ATP6V1B1: variants seen among roughly 807,000 people sequenced by gnomAD.
ATP6V1B1 encodes ATPase H+ transporting V1 subunit B1.
ATP6V1B1 carries 41 observed loss-of-function variants against 62.1 expected under a neutral mutation model. The observed-to-expected ratio is 0.66, with a 90% confidence interval of 0.51 to 0.86. The LOEUF is 0.86. Among genes scored for constraint, ATP6V1B1 ranks in the 40% least tolerant of loss-of-function variants. The probability of loss-of-function intolerance (pLI) is 0.00; values close to 1 mark genes in which losing one functional copy is unlikely to be tolerated. For missense variants in ATP6V1B1, 651 were observed against 697.5 expected (o/e 0.93, Z 0.75); for synonymous variants, 253 against 273.4 (o/e 0.93, Z 0.74).
rs536395287 is a variant in ATP6V1B1, at chr2:70,945,705, T to G, written c.174+1992T>G. On this transcript the variant is annotated intron_variant, in intron 2 of 13. Coordinates refer to ENST00000234396, the MANE Select transcript of ATP6V1B1 (RefSeq NM_001692.4). ...CTCTTTCTGGCTATTTGAAGAGATA[T>G]ATATATATATATATATATATATATA... Among the ~76,000 whole-genome samples, 692 of 72,460 alleles carry G rather than the reference T, an allele frequency of 9.6e-3. 24 individuals carry two copies. Among genetic ancestry groups the G allele is most frequent in the African/African-American group, 0.045 (594 of 13,190 alleles). 47.5% of individuals were successfully genotyped at this position (72,460 alleles called of 152,430 possible).
In ATP6V1B1 at chr2:70,958,042, C is replaced by A. The variant is rs782511029; in HGVS notation, c.175-4C>A. On this transcript the variant is annotated splice_polypyrimidine_tract_variant and splice_region_variant and intron_variant, in intron 2 of 13. Coordinates refer to ENST00000234396, the MANE Select transcript of ATP6V1B1 (RefSeq NM_001692.4). Reference sequence around the variant, plus strand: ...GTCACGTGGCTGCTCTCCCCTCCTGCCAGTTTGCCCAGTATGCGGAGATCG... The same window carrying A: ...GTCACGTGGCTGCTCTCCCCTCCTGACAGTTTGCCCAGTATGCGGAGATCG... The A allele has an allele frequency of 2.5e-6, 4 of 1,613,494 alleles. No individual in the cohort carries two copies. Among genetic ancestry groups the A allele is most frequent in the Non-Finnish European group, 3.4e-6 (4 of 1,179,752 alleles).
At chr2:70,955,665 T>C (rs1680416935) in intron 2 of ATP6V1B1, among the ~76,000 whole-genome samples, 3 of 152,248 alleles carry the variant, frequency 2.0e-5, no homozygotes, top group African/African-American at 7.2e-5. Flanking sequence ...GTGCTTCTTT[T>C]TTTTAATGAA....
intron 6 of ATP6V1B1, 67 bp downstream of exon 6, chr2:70,960,145 C>A: frequency 6.3e-7 from 1 of 1,599,894 alleles, no homozygotes; most frequent in Non-Finnish European, 8.5e-7. Flanking sequence ...GCTGCTGGAC[C>A]AGTGAGGACA....
chr2:70,937,511 C>A (rs1165084307), intron 1 of ATP6V1B1, among the ~76,000 whole-genome samples: 1 of 151,976 alleles, frequency 6.6e-6, no homozygotes, highest in African/African-American at 2.4e-5. Context: ...TCCGGATACT[C>A]CCTAGGCCAA....
intron 1 of ATP6V1B1, among the ~76,000 whole-genome samples, chr2:70,937,025 C>T (rs1327782517): frequency 2.6e-5 from 4 of 152,082 alleles, no homozygotes; most frequent in Admixed American, 6.5e-5. Context: ...ATTCTCAGGC[C>T]GCCCTGCTCA....
In ATP6V1B1 at chr2:70,961,652, G is replaced by C. The variant is rs1553420128; in HGVS notation, c.744G>C (p.Met248Ile). 6.2e-7 allele frequency: 1 copy of C among 1,614,220 alleles called. No individual in the cohort carries two copies. The highest frequency in any genetic ancestry group is 1.7e-5 in the Admixed American group (1 of 60,036). ...CTGACTTTGAGCAGAATGGAACCAT[G>C]GGGAACGTCTGCCTCTTCCTGAACT... ...FKSDFEQNGT[M>I]GNVCLFLNLA... Residue 248 changes from methionine (M) to isoleucine (I), a missense_variant, in exon 8 of 14, where the codon ATG (methionine) becomes ATC (isoleucine). Met to Ile is a conservative substitution (Grantham distance 10). Transcript: ENST00000234396.
At chr2:70,944,223 A>T in intron 2 of ATP6V1B1, 1 of 1,289,106 alleles carries the variant, frequency 7.8e-7, no homozygotes, top group African/African-American at 1.5e-5. Context: ...TCTCAGCAAC[A>T]TGGGTGGTAA....
Position 70,958,031 on chromosome 2 carries a change from C to T in ATP6V1B1, c.175-15C>T. On this transcript the variant is annotated splice_polypyrimidine_tract_variant and intron_variant, in intron 2 of 13. Transcript: ENST00000234396. ...CCAGTCTCACTGTCACGTGGCTGCT[C>T]TCCCCTCCTGCCAGTTTGCCCAGTA... 1.2e-6 allele frequency: 2 copies of T among 1,611,684 alleles called. No homozygotes were observed. The highest frequency in any genetic ancestry group is 1.7e-6 in the Non-Finnish European group (2 of 1,178,748).
rs113451438 is a variant in ATP6V1B1 at position 70,960,882 on chromosome 2, C to T, written c.586-39C>T. ...TGCTCAGTGGGACAGGGGTCAGCTCCGACTCTGACGTCCTCCTGCCCAATC... is the reference window on the plus strand; with the variant it reads ...TGCTCAGTGGGACAGGGGTCAGCTCTGACTCTGACGTCCTCCTGCCCAATC... On this transcript the variant is annotated intron_variant, in intron 6 of 13. Coordinates refer to ENST00000234396, the MANE Select transcript of ATP6V1B1 (RefSeq NM_001692.4). 4.6e-5 allele frequency: 72 copies of T among 1,562,234 alleles called. 1 individual carries two copies. Among genetic ancestry groups the T allele is most frequent in the African/African-American group, 1.5e-4 (11 of 73,696 alleles).
rs2104829716 is a variant in ATP6V1B1 at position 70,961,649 on chromosome 2, C to T, written c.741C>T (p.Thr247=). ...FFKSDFEQNG[T]MGNVCLFLNL... is the part of the protein sequence containing the mutation. ...AGTCTGACTTTGAGCAGAATGGAAC[C>T]ATGGGGAACGTCTGCCTCTTCCTGA... Residue 247 remains threonine, a synonymous_variant, in exon 8 of 14, where the codon ACC becomes ACT. Transcript: ENST00000234396. 3.1e-6 allele frequency: 5 copies of T among 1,614,226 alleles called. No homozygotes were observed. Among genetic ancestry groups the T allele is most frequent in the Non-Finnish European group, 4.2e-6 (5 of 1,180,028 alleles).
At chr2:70,961,793 C>T (rs188538649) in intron 8 of ATP6V1B1, 100 bp downstream of exon 8, 11 of 1,163,488 alleles carry the variant, frequency 9.5e-6, no homozygotes, top group Non-Finnish European at 1.4e-5. Flanking sequence ...AGAACTACAG[C>T]CATACGCCAG....
At chr2:70,957,899 C>G (rs922632007) in intron 2 of ATP6V1B1, 147 bp from the exon 3 acceptor site, 23 of 787,164 alleles carry the variant, frequency 2.9e-5, no homozygotes, top group African/African-American at 1.9e-4. Context: ...CAAACTTTCA[C>G]TTCCCAGCCC....
At chr2:70,943,391 G>A (rs1056391751) in intron 1 of ATP6V1B1, 1 of 612,406 alleles carries the variant, frequency 1.6e-6, no homozygotes, top group Non-Finnish European at 3.0e-6. Context: ...AGGCCTCTGT[G>A]TGGTGGGGGC....
intron 1 of ATP6V1B1, among the ~76,000 whole-genome samples, chr2:70,936,571 G>A (rs1397154875): frequency 6.6e-6 from 1 of 152,128 alleles, no homozygotes; most frequent in Admixed American, 6.5e-5. Flanking sequence ...CATGTCGTAT[G>A]TGTGTTCTGA....
At chr2:70,957,947 GGA>G (rs1553419334) in intron 2 of ATP6V1B1, 97 bp from the exon 3 acceptor site, 1 of 1,071,834 alleles carries the variant, frequency 9.3e-7, no homozygotes, top group African/African-American at 1.6e-5. Context: ...ACACTAGAGG[GGA>G]GAGAACAGTT....
chr2:70,962,756 A>C (rs1242513302), intron 8 of ATP6V1B1, 21 bp from the exon 9 acceptor site: 3 of 1,612,834 alleles, frequency 1.9e-6, no homozygotes, highest in Non-Finnish European at 2.5e-6. Flanking sequence ...AGGCTCTCTA[A>C]ACACCTGGCT....
chr2:70,954,239 C>T (rs1466538685), intron 2 of ATP6V1B1, among the ~76,000 whole-genome samples: 2 of 152,180 alleles, frequency 1.3e-5, no homozygotes, highest in Non-Finnish European at 2.9e-5. Context: ...CTAATATAAT[C>T]ATTTAAAGCT....
chr2:70,962,476 C>T (rs1680612749), intron 8 of ATP6V1B1, among the ~76,000 whole-genome samples: 1 of 152,126 alleles, frequency 6.6e-6, no homozygotes, highest in Non-Finnish European at 1.5e-5. Context: ...GGGACAAAAG[C>T]CACTCTCATC....
At chr2:70,938,724 C>T in intron 1 of ATP6V1B1, 9 of 985,380 alleles carry the variant, frequency 9.1e-6, no homozygotes, top group Non-Finnish European at 1.1e-5. Context: ...TCCCCAAGGG[C>T]CTTGGCTCCC....
Sources: allele counts gnomAD v4.1 joint callset (sites outside exome capture counted in the v4.1 genomes callset), GRCh38; gene constraint gnomAD v4.1.1; transcripts MANE v1.5; gene names NCBI Gene and HGNC (gene_info 2026-07-23, HGNC 2026-07-21).